Variants in MPP7 observed in about 807,000 individuals in gnomAD.
MPP7 encodes the protein MAGUK p55 scaffold protein 7, also known as MAGUK p55 subfamily member 7.
Under a neutral mutation model 76.5 loss-of-function variants are expected in MPP7, and 60 were observed. The observed-to-expected ratio is 0.78, with a 90% CI of 0.64 to 0.97. The LOEUF is 0.97. MPP7 is among the 50% of genes least tolerant of loss of function. MPP7 has a pLI of 0.00. For missense variants in MPP7, 641 were observed against 694.0 expected (o/e 0.92, Z 0.86); for synonymous variants, 237 against 244.5 (o/e 0.97, Z 0.29).
chr10:28,187,149 C>A (rs911291905), intron 3 of MPP7, among the ~76,000 whole-genome samples: 1 of 152,190 alleles, frequency 6.6e-6, no homozygotes, highest in African/African-American at 2.4e-5. Flanking sequence ...AATAACTTGA[C>A]TGTTACATTA....
intron 1 of MPP7, among the ~76,000 whole-genome samples, chr10:28,269,958 T>A (rs1840268481): frequency 6.6e-6 from 1 of 152,168 alleles, no homozygotes; most frequent in South Asian, 2.1e-4. Context: ...AGTTAGGGAA[T>A]GTGGAGTCTA....
intron 5 of MPP7, among the ~76,000 whole-genome samples, chr10:28,144,075 G>A (rs1056870011): frequency 2.0e-5 from 3 of 152,140 alleles, no homozygotes; most frequent in Admixed American, 6.5e-5. Context: ...CTTTAGTAGA[G>A]ATGGGGTTTC....
chr10:28,148,556 A>G (rs565847311), intron 4 of MPP7, among the ~76,000 whole-genome samples: 128 of 152,330 alleles, frequency 8.4e-4, no homozygotes, highest in African/African-American at 3.0e-3. Context: ...TATAAATTGT[A>G]CACAAAAAAT....
At chr10:28,283,883 C>T (rs951326770) in intron 1 of MPP7, among the ~76,000 whole-genome samples, 2 of 152,114 alleles carry the variant, frequency 1.3e-5, no homozygotes, top group African/African-American at 4.8e-5. Context: ...AGCAGACTTG[C>T]CATATCATAC....
At chr10:28,087,889 G>A (rs961785033) in intron 12 of MPP7, among the ~76,000 whole-genome samples, 1 of 152,140 alleles carries the variant, frequency 6.6e-6, no homozygotes, top group Non-Finnish European at 1.5e-5. Context: ...CCTCTATAAG[G>A]ATGAGAAGCA....
intron 3 of MPP7, among the ~76,000 whole-genome samples, chr10:28,160,209 C>G (rs1475929723): frequency 6.6e-6 from 1 of 152,116 alleles, no homozygotes; most frequent in Non-Finnish European, 1.5e-5. Context: ...AGTTCACAAT[C>G]TCACAATCCT....
At chr10:28,065,310 T>C (rs1323780181) in intron 13 of MPP7, among the ~76,000 whole-genome samples, 2 of 152,194 alleles carry the variant, frequency 1.3e-5, no homozygotes, top group Admixed American at 6.5e-5. Flanking sequence ...GAACAAGACA[T>C]TTATGACACT....
chr10:28,120,782 TTAGA>T (rs749759464), intron 8 of MPP7, 114 bp from the exon 9 acceptor site: 5 of 699,364 alleles, frequency 7.1e-6, no homozygotes, highest in Admixed American at 5.7e-5. Context: ...GCTTCTACTC[TTAGA>T]TAGACTAAAC....
chr10:28,059,041 A>T (rs1335615045), intron 14 of MPP7, among the ~76,000 whole-genome samples: 2 of 152,222 alleles, frequency 1.3e-5, no homozygotes, highest in Middle Eastern at 3.2e-3. Context: ...CTATAAAAAC[A>T]CAATCACTGC....
At chr10:28,229,487 T>C (rs1236615724) in intron 2 of MPP7, among the ~76,000 whole-genome samples, 1 of 152,198 alleles carries the variant, frequency 6.6e-6, no homozygotes, top group Non-Finnish European at 1.5e-5. Flanking sequence ...ATTTTTACTG[T>C]AAGCAGATGG....
intron 11 of MPP7, among the ~76,000 whole-genome samples, chr10:28,110,537 T>C (rs1391838740): frequency 6.6e-6 from 1 of 152,260 alleles, no homozygotes; most frequent in Admixed American, 6.5e-5. Flanking sequence ...AAATATGTCC[T>C]TTCTATTGAT....
At chr10:28,262,068 T>C (rs1227587176) in intron 1 of MPP7, among the ~76,000 whole-genome samples, 1 of 150,366 alleles carries the variant, frequency 6.7e-6, no homozygotes, top group East Asian at 2.0e-4. Context: ...GGAGAATCGC[T>C]TGAACTTGGG....
intron 3 of MPP7, among the ~76,000 whole-genome samples, chr10:28,156,514 T>C (rs1035364080): frequency 3.3e-5 from 5 of 152,182 alleles, no homozygotes; most frequent in African/African-American, 4.8e-5. Flanking sequence ...GCCATCTCTA[T>C]TGACATTTCT....
At chr10:28,200,627 T>C (rs1183499555) in intron 3 of MPP7, among the ~76,000 whole-genome samples, 1 of 152,346 alleles carries the variant, frequency 6.6e-6, no homozygotes, top group Admixed American at 6.5e-5. Context: ...CTTTTTGGTC[T>C]TTAGCGTGCT....
At chr10:28,187,632 C>A (rs919916024) in intron 3 of MPP7, among the ~76,000 whole-genome samples, 2 of 152,192 alleles carry the variant, frequency 1.3e-5, no homozygotes, top group African/African-American at 4.8e-5. Context: ...CTTCCCCAAA[C>A]AGCACTGTTT....
At chr10:28,328,336 C>T (rs1333470106) in intron 2 of MPP7, among the ~76,000 whole-genome samples, 1 of 152,078 alleles carries the variant, frequency 6.6e-6, no homozygotes, top group Non-Finnish European at 1.5e-5. Context: ...CTAGTATTCC[C>T]TCCTTTTCAG....
chr10:28,107,198 T>G (rs2133546128), intron 11 of MPP7, among the ~76,000 whole-genome samples: 1 of 152,284 alleles, frequency 6.6e-6, no homozygotes. Flanking sequence ...TGCTATTTTC[T>G]TCTATCTTTA....
chr10:28,140,981 A>C (rs1313988194), intron 5 of MPP7, among the ~76,000 whole-genome samples: 2 of 152,174 alleles, frequency 1.3e-5, no homozygotes, highest in Non-Finnish European at 2.9e-5. Flanking sequence ...TGACAGCACA[A>C]CTTTGGTCTC....
intron 4 of MPP7, among the ~76,000 whole-genome samples, chr10:28,148,376 A>T (rs1487058736): frequency 6.6e-6 from 1 of 152,216 alleles, no homozygotes; most frequent in Non-Finnish European, 1.5e-5. Flanking sequence ...CTCAAACAGG[A>T]AAAAAGATTA....
Sources: gnomAD v4.1 joint callset for allele counts (sites outside exome capture counted in the v4.1 genomes callset) on GRCh38, gnomAD v4.1.1 for gene constraint, MANE v1.5 for transcripts, NCBI Gene and HGNC (gene_info 2026-07-23, HGNC 2026-07-21) for gene names.